The following MEI4 variants were observed in gnomAD, a reference collection of about 807,000 sequenced individuals.
MEI4 encodes meiosis-specific protein MEI4.
A neutral mutation model predicts 31.4 loss-of-function variants in MEI4; 27 were observed. The observed-to-expected ratio is 0.86, with a 90% CI of 0.63 to 1.19. The LOEUF (loss-of-function observed/expected upper bound fraction) is 1.19, where lower values mean the gene tolerates loss of function less well. MEI4 is among the 50% of genes most tolerant of loss of function. MEI4 has a pLI of 0.00. For synonymous variants in MEI4, 122 were observed against 145.4 expected, an observed-to-expected ratio of 0.84 and a Z score of 1.16; for missense variants, 329 against 398.9, an observed-to-expected ratio of 0.82 and a Z score of 1.49.
At chr6:77,798,937 A>G (rs1190004809) in intron 3 of MEI4, among the ~76,000 whole-genome samples, 4 of 151,766 alleles carry the variant, frequency 2.6e-5, no homozygotes, top group Non-Finnish European at 5.9e-5. Flanking sequence ...ATTGTGAATA[A>G]TGCCGCAATA....
intron 4 of MEI4, among the ~76,000 whole-genome samples, chr6:77,902,676 T>C (rs1166704136): frequency 1.3e-5 from 2 of 152,106 alleles, no homozygotes; most frequent in Admixed American, 6.6e-5. Flanking sequence ...ACCCCTCTGC[T>C]CACTGAGATA....
rs149759582 is a variant in MEI4, at chr6:77,709,656, C to T, written c.232+18753C>T. 1.4e-3 allele frequency among the ~76,000 whole-genome samples: 209 copies of T among 152,160 alleles called. 1 individual carries two copies. Among genetic ancestry groups the T allele is most frequent in the African/African-American group, 4.4e-3 (183 of 41,522 alleles). On this transcript the variant is annotated intron_variant, in intron 2 of 4. Coordinates refer to ENST00000684080, the MANE Select transcript of MEI4 (RefSeq NM_001322247.2). ...CAGAATTTAGGCACCTTTCTCTCAT[C>T]CTTTGATATTCTAATAAAAAATACC...
chr6:77,788,017 A>G (rs529987272), intron 3 of MEI4, among the ~76,000 whole-genome samples: 201 of 152,288 alleles, frequency 1.3e-3, no homozygotes, highest in Admixed American at 3.1e-3. Context: ...TGGCCTCATA[A>G]AATGAGTTAG....
intron 3 of MEI4, among the ~76,000 whole-genome samples, chr6:77,776,273 G>C (rs921870140): frequency 5.3e-5 from 8 of 151,748 alleles, no homozygotes; most frequent in South Asian, 4.1e-4. Flanking sequence ...GATATCTTTT[G>C]AGGGCTTTTT....
intron 2 of MEI4, among the ~76,000 whole-genome samples, chr6:77,692,350 G>A (rs968644949): frequency 2.0e-5 from 3 of 151,992 alleles, no homozygotes; most frequent in African/African-American, 7.2e-5. Flanking sequence ...CTGAACTTGA[G>A]CTTATGTTCA....
At position 77,690,772 on chromosome 6, in the gene MEI4, A is replaced by G; in HGVS notation, c.101A>G (p.Glu34Gly). The change falls in exon 2 of 5, where the codon GAG becomes GGG. Residue 34 changes from glutamate to glycine, a missense_variant. Transcript: ENST00000684080. ...GACAAAAGCAGCAGAGAATACACAG[A>G]GCACCTTGCTATGTTGCTGTCTGAG... The part of the protein sequence containing the change: ...PADKSSREYT[E>G]HLAMLLSEEQ... 1 of 1,231,708 alleles carries G rather than the reference A, an allele frequency of 8.1e-7. No homozygotes were observed. The highest frequency in any genetic ancestry group is 1.6e-5 in the African/African-American group (1 of 64,510). The allele number at this position is 1,231,708 out of a possible 1,614,324, so 76.3% of individuals were successfully genotyped here.
rs796473109 is a variant in MEI4, at chr6:77,698,823, A to G, written c.232+7920A>G. Among the ~76,000 whole-genome samples, 36 of 152,280 alleles carry G rather than the reference A, an allele frequency of 2.4e-4. No homozygotes were observed. In the East Asian group the frequency reaches 6.6e-3, roughly 28 times the overall value. ...AATCTGAACGTTGGCCTGCCTTGCT[A>G]GATTGGGGAAGTTCTCCTGGATAAT... is the stretch of plus-strand genomic sequence containing the variant. On this transcript the variant is annotated intron_variant, in intron 2 of 4. Transcript: ENST00000684080.
intron 4 of MEI4, among the ~76,000 whole-genome samples, chr6:77,849,884 A>G (rs537078288): frequency 6.6e-6 from 1 of 152,312 alleles, no homozygotes; most frequent in South Asian, 2.1e-4. Flanking sequence ...TTATCCATAA[A>G]TATTTATCCC....
chr6:77,671,280 G>T (rs904690335), intron 1 of MEI4, among the ~76,000 whole-genome samples: 2 of 151,848 alleles, frequency 1.3e-5, no homozygotes, highest in Non-Finnish European at 2.9e-5. Flanking sequence ...GGCTGGTCTC[G>T]AACTCCTGAC....
chr6:77,908,296 T>C (rs556836770), intron 4 of MEI4, among the ~76,000 whole-genome samples: 4 of 152,318 alleles, frequency 2.6e-5, no homozygotes, highest in Non-Finnish European at 5.9e-5. Context: ...AACATTTAAG[T>C]CTTTAATCCA....
At chr6:77,710,813 C>T (rs1016582147) in intron 2 of MEI4, among the ~76,000 whole-genome samples, 1 of 152,062 alleles carries the variant, frequency 6.6e-6, no homozygotes, top group Non-Finnish European at 1.5e-5. Context: ...TTTCATAGTC[C>T]TTAGGTTATT....
At chr6:77,862,699 T>TC (rs1172588041) in intron 4 of MEI4, among the ~76,000 whole-genome samples, 2 of 152,184 alleles carry the variant, frequency 1.3e-5, no homozygotes, top group Non-Finnish European at 2.9e-5. Context: ...GACTTAAATG[T>TC]CCCTGTCTGA....
chr6:77,798,299 G>T, intron 3 of MEI4, among the ~76,000 whole-genome samples: 1 of 151,020 alleles, frequency 6.6e-6, no homozygotes, highest in African/African-American at 2.4e-5. Context: ...AAATCCTAAC[G>T]TATTGATTAT....
chr6:77,741,658 G>A (rs919100264), intron 2 of MEI4, among the ~76,000 whole-genome samples: 1 of 151,790 alleles, frequency 6.6e-6, no homozygotes, highest in African/African-American at 2.4e-5. Flanking sequence ...TAGGGTACAT[G>A]TGCACAATGT....
intron 3 of MEI4, among the ~76,000 whole-genome samples, chr6:77,777,513 T>C (rs1443016983): frequency 1.3e-5 from 2 of 152,148 alleles, no homozygotes; most frequent in Non-Finnish European, 2.9e-5. Context: ...AAATAAAAAG[T>C]AGAATAAAAT....
intron 3 of MEI4, among the ~76,000 whole-genome samples, chr6:77,768,437 C>T (rs549392739): frequency 5.9e-5 from 9 of 152,186 alleles, no homozygotes; most frequent in South Asian, 2.1e-4. Context: ...CGGTGGCTCA[C>T]GCCTGTAACC....
chr6:77,872,181 T>A lies in MEI4; in HGVS notation c.900+43119T>A, dbSNP rs76259298. ...TAATAGCTTTGTATTTTTACCAGAATAGGATTTTTTGTTTTTGGGGAATTT... is the reference window on the plus strand; with the variant it reads ...TAATAGCTTTGTATTTTTACCAGAAAAGGATTTTTTGTTTTTGGGGAATTT... On this transcript the variant is annotated intron_variant, in intron 4 of 4. Coordinates refer to ENST00000684080, the MANE Select transcript of MEI4 (RefSeq NM_001322247.2). 6.3e-3 allele frequency among the ~76,000 whole-genome samples: 953 copies of A among 152,272 alleles called. 20 individuals carry two copies. The highest frequency in any genetic ancestry group is 0.042 in the Admixed American group (638 of 15,286).
chr6:77,698,972 T>G (rs1169586769), intron 2 of MEI4, among the ~76,000 whole-genome samples: 1 of 152,078 alleles, frequency 6.6e-6, no homozygotes, highest in Non-Finnish European at 1.5e-5. Context: ...CGTTTCTTTT[T>G]ATTCTTTTTT....
chr6:77,746,220 G>A (rs1035555194), intron 2 of MEI4, among the ~76,000 whole-genome samples: 4 of 152,100 alleles, frequency 2.6e-5, no homozygotes, highest in African/African-American at 9.7e-5. Flanking sequence ...TTGATAGACC[G>A]CTAGCAAGAC....
Sources: gnomAD v4.1 joint callset for allele counts (sites outside exome capture counted in the v4.1 genomes callset) on GRCh38, gnomAD v4.1.1 for gene constraint, MANE v1.5 for transcripts, NCBI Gene and HGNC (gene_info 2026-07-23, HGNC 2026-07-21) for gene names.